The following ITGB2 variants were observed in gnomAD, a reference collection of about 807,000 sequenced individuals.
ITGB2 encodes the protein integrin beta-2.
Under a neutral mutation model 86.8 loss-of-function variants are expected in ITGB2, and 56 were observed. That is an observed-to-expected ratio of 0.65 (90% CI 0.52 to 0.81). The LOEUF is 0.81. Among genes scored for constraint, ITGB2 ranks in the 30% least tolerant of loss-of-function variants. The pLI is 0.00. For synonymous variants in ITGB2, 457 were observed against 450.4 expected (o/e 1.01, Z -0.19); for missense variants, 948 against 1,061.2 (o/e 0.89, Z 1.48).
At chr21:44,926,387 C>G (rs1196670991) in intron 1 of ITGB2, among the ~76,000 whole-genome samples, 1 of 152,240 alleles carries the variant, frequency 6.6e-6, no homozygotes, top group Non-Finnish European at 1.5e-5. Context: ...TCAGGTGTGG[C>G]TGCACGGAGT....
At chr21:44,892,085 G>T in intron 10 of ITGB2, 89 bp from the exon 11 acceptor site, 1 of 1,297,182 alleles carries the variant, frequency 7.7e-7, no homozygotes, top group Non-Finnish European at 1.1e-6. Context: ...CCTCTGCAGG[G>T]GTCCTGGGGG....
rs370041443 is a variant in ITGB2, at chr21:44,890,238, G to A, written c.1413-16C>T. 2.7e-5 allele frequency: 44 copies of A among 1,612,628 alleles called. No individual in the cohort carries two copies. The African/African-American group carries it at 5.3e-4, about 20-fold the overall frequency. On this transcript the variant is annotated splice_polypyrimidine_tract_variant and intron_variant, in intron 11 of 15. Coordinates refer to ENST00000652462, the MANE Select transcript of ITGB2 (RefSeq NM_000211.5). ...AGTGTCACACCTGGGGACAGGAGGG[G>A]CCCCAAGGTCAGGCTCCCCCCAGTG...
chr21:44,887,728 C>A (rs2083719779), intron 14 of ITGB2, among the ~76,000 whole-genome samples: 1 of 152,208 alleles, frequency 6.6e-6, no homozygotes, highest in South Asian at 2.1e-4. Context: ...TTGCACAAAC[C>A]AGACGTGACC....
In ITGB2 at chr21:44,899,107, G is replaced by A; in HGVS notation, c.953C>T (p.Pro318Leu). The stretch of plus-strand genomic sequence containing the variant: ...CATCCTACTGGTCACCGCGAAGATG[G>A]GCTGGATGTTGTTTTCAGCCAGCTT... ...AHKLAENNIQ[P>L]IFAVTSRMVK... Residue 318 changes from proline (P) to leucine (L), a missense_variant, in exon 8 of 16, where the codon CCC (proline) becomes CTC (leucine). Transcript: ENST00000652462. The A allele has an allele frequency of 6.2e-7, 1 of 1,614,166 alleles. No individual in the cohort carries two copies. The highest frequency in any genetic ancestry group is 8.5e-7 in the Non-Finnish European group (1 of 1,180,006).
intron 4 of ITGB2, among the ~76,000 whole-genome samples, chr21:44,905,785 C>T (rs1421866601): frequency 6.6e-6 from 1 of 152,170 alleles, no homozygotes; most frequent in Non-Finnish European, 1.5e-5. Context: ...AATGGCTCGG[C>T]CCCATCCCTC....
At chr21:44,908,952 C>T (rs1309403679) in intron 3 of ITGB2, among the ~76,000 whole-genome samples, 1 of 152,360 alleles carries the variant, frequency 6.6e-6, no homozygotes, top group Non-Finnish European at 1.5e-5. Flanking sequence ...ACAGATCATG[C>T]ACTACTGAAC....
chr21:44,899,613 G>A (rs765675364), intron 7 of ITGB2, among the ~76,000 whole-genome samples: 9 of 152,172 alleles, frequency 5.9e-5, no homozygotes, highest in Non-Finnish European at 1.3e-4. Context: ...AGTCCTTTGC[G>A]GCCCCCAGAG....
intron 11 of ITGB2, 63 bp from the exon 12 acceptor site, chr21:44,890,285 C>T: frequency 2.5e-6 from 4 of 1,602,914 alleles, no homozygotes; most frequent in South Asian, 2.2e-5. Context: ...GGGACAGCCG[C>T]CCTGTCCTCC....
At chr21:44,923,103 T>C (rs1043078869), upstream of ITGB2, 1 of 152,192 alleles carries the variant, frequency 6.6e-6, no homozygotes, top group Non-Finnish European at 1.5e-5. Flanking sequence ...GAACAAATGT[T>C]ACTATTGAGC....
chr21:44,890,644 A>G (rs987869226), intron 11 of ITGB2, among the ~76,000 whole-genome samples: 4 of 152,196 alleles, frequency 2.6e-5, no homozygotes, highest in African/African-American at 9.7e-5. Context: ...GTGCACTGAC[A>G]GGCCAGGTTG....
intron 11 of ITGB2, 96 bp from the exon 12 acceptor site, chr21:44,890,318 A>T: frequency 6.6e-7 from 1 of 1,511,052 alleles, no homozygotes. Context: ...CTTGGTGGAG[A>T]ACACCCCTAT....
chr21:44,902,925 G>A (rs1438737371), intron 5 of ITGB2, among the ~76,000 whole-genome samples: 3 of 152,234 alleles, frequency 2.0e-5, no homozygotes, highest in East Asian at 1.9e-4. Context: ...TGACACACAC[G>A]TGTGCTGGAG....
At chr21:44,894,935 C>A (rs373224976) in intron 9 of ITGB2, 36 bp downstream of exon 9, 2 of 1,428,096 alleles carry the variant, frequency 1.4e-6, no homozygotes, top group Admixed American at 3.3e-5. Flanking sequence ...TGCTGGCCAC[C>A]CCATGGGTCC....
At chr21:44,901,002 G>C (rs2083948425) in intron 6 of ITGB2, among the ~76,000 whole-genome samples, 1 of 152,208 alleles carries the variant, frequency 6.6e-6, no homozygotes, top group South Asian at 2.1e-4. Flanking sequence ...GGTGGGTTGT[G>C]AGGGGAGGAC....
intron 5 of ITGB2, among the ~76,000 whole-genome samples, chr21:44,902,181 T>A (rs1049698389): frequency 6.6e-6 from 1 of 152,206 alleles, no homozygotes; most frequent in African/African-American, 2.4e-5. Flanking sequence ...ACCAGGTACA[T>A]ATGTGGGCAT....
intron 1 of ITGB2, among the ~76,000 whole-genome samples, chr21:44,919,148 C>T (rs1476335327): frequency 2.0e-5 from 3 of 152,116 alleles, no homozygotes; most frequent in Non-Finnish European, 4.4e-5. Context: ...AGGGCCACAG[C>T]CCCCCCGGGG....
intron 7 of ITGB2, 36 bp downstream of exon 7, chr21:44,900,284 C>T: frequency 6.2e-7 from 1 of 1,613,938 alleles, no homozygotes; most frequent in South Asian, 1.1e-5. Context: ...TGGTGTCCTG[C>T]CAGGCGGTGC....
intron 9 of ITGB2, chr21:44,894,044 G>A (rs1369268356): frequency 3.9e-6 from 1 of 253,724 alleles, no homozygotes; most frequent in South Asian, 4.5e-5. Context: ...AAGACTGAGA[G>A]ACAGACGGAA....
chr21:44,910,478 C>T (rs904827675), intron 2 of ITGB2, 106 bp from the exon 3 acceptor site: 4 of 1,580,580 alleles, frequency 2.5e-6, no homozygotes, highest in African/African-American at 2.7e-5. Context: ...GACAGGGAGG[C>T]AGCCTCCAGG....
Sources: gnomAD v4.1 joint callset for allele counts (sites outside exome capture counted in the v4.1 genomes callset) on GRCh38, gnomAD v4.1.1 for gene constraint, MANE v1.5 for transcripts, NCBI Gene and HGNC (gene_info 2026-07-23, HGNC 2026-07-21) for gene names.